MNAT1: variants seen among roughly 807,000 people sequenced by gnomAD.
MNAT1 encodes CDK-activating kinase assembly factor MAT1.
A neutral mutation model predicts 42.0 loss-of-function variants in MNAT1; 43 were observed. That is an observed-to-expected ratio of 1.02 (90% CI 0.80 to 1.32). The LOEUF is 1.32. Among genes scored for constraint, MNAT1 ranks in the 40% most tolerant of loss-of-function variants. The pLI is 0.00. For missense variants in MNAT1, 306 were observed against 350.4 expected (o/e 0.87, Z 1.01); for synonymous variants, 118 against 120.0 (o/e 0.98, Z 0.11).
At chr14:60,765,756 C>T (rs1462021529) in intron 1 of MNAT1, among the ~76,000 whole-genome samples, 2 of 152,002 alleles carry the variant, frequency 1.3e-5, no homozygotes, top group African/African-American at 4.8e-5. Flanking sequence ...AAATCTTATA[C>T]CTCTAGGCAA....
intron 6 of MNAT1, among the ~76,000 whole-genome samples, chr14:60,823,808 G>A (rs1300574262): frequency 9.2e-5 from 14 of 152,026 alleles, no homozygotes; most frequent in Admixed American, 9.2e-4. Flanking sequence ...GCAGTGAGCT[G>A]AGATTGTGCC....
chr14:60,792,417 T>TA (rs2031858547), intron 1 of MNAT1, among the ~76,000 whole-genome samples: 1 of 152,178 alleles, frequency 6.6e-6, no homozygotes, highest in Non-Finnish European at 1.5e-5. Flanking sequence ...GCTTCTTTCT[T>TA]ACAGAATTTA....
At chr14:60,808,289 A>G (rs1331682083) in intron 3 of MNAT1, 36 bp from the exon 4 acceptor site, 5 of 1,309,184 alleles carry the variant, frequency 3.8e-6, no homozygotes, top group Non-Finnish European at 1.1e-6. Context: ...TTATATTAAA[A>G]ATATTTTTCA....
At chr14:60,949,534 A>AT (rs1343513798) in intron 7 of MNAT1, among the ~76,000 whole-genome samples, 1 of 152,196 alleles carries the variant, frequency 6.6e-6, no homozygotes, top group African/African-American at 2.4e-5. Flanking sequence ...TTTATTTAAA[A>AT]TATTATACCA....
chr14:60,865,750 T>C (rs2034189453), intron 6 of MNAT1, among the ~76,000 whole-genome samples: 1 of 152,184 alleles, frequency 6.6e-6, no homozygotes, highest in Admixed American at 6.6e-5. Flanking sequence ...TCTTGTATTT[T>C]GCTTTTCCTT....
chr14:60,968,088 A>G (rs1246962483), intron 7 of MNAT1, 141 bp from the exon 8 acceptor site: 2 of 600,742 alleles, frequency 3.3e-6, no homozygotes, highest in South Asian at 2.3e-5. Context: ...AAAGATAATA[A>G]TCTATTTATA....
At chr14:60,933,179 C>T (rs940724552) in intron 7 of MNAT1, among the ~76,000 whole-genome samples, 8 of 151,910 alleles carry the variant, frequency 5.3e-5, no homozygotes, top group East Asian at 3.9e-4. Flanking sequence ...ATAGAAAGTC[C>T]GGTCCCTTAG....
intron 6 of MNAT1, among the ~76,000 whole-genome samples, chr14:60,872,835 T>TACACACACACACAC (rs200338598): frequency 6.8e-6 from 1 of 146,848 alleles, no homozygotes; most frequent in African/African-American, 2.6e-5. Flanking sequence ...CACACACACA[T>TACACACACACACAC]ACACACACAC....
At chr14:60,945,506 T>G (rs2036253791) in intron 7 of MNAT1, among the ~76,000 whole-genome samples, 1 of 152,206 alleles carries the variant, frequency 6.6e-6, no homozygotes, top group Non-Finnish European at 1.5e-5. Flanking sequence ...TCTTTGGTCA[T>G]TTTTCTCTGT....
At chr14:60,884,376 A>C (rs529790585) in intron 7 of MNAT1, among the ~76,000 whole-genome samples, 18 of 152,172 alleles carry the variant, frequency 1.2e-4, no homozygotes, top group African/African-American at 3.9e-4. Flanking sequence ...ATTGATTTGC[A>C]TATGTTGAAC....
intron 7 of MNAT1, among the ~76,000 whole-genome samples, chr14:60,941,047 A>G (rs1213316299): frequency 6.6e-6 from 1 of 152,238 alleles, no homozygotes; most frequent in African/African-American, 2.4e-5. Context: ...TGTGTTAAGT[A>G]TTGGTAATTT....
At chr14:60,831,458 G>A (rs571352027) in intron 6 of MNAT1, among the ~76,000 whole-genome samples, 1 of 152,138 alleles carries the variant, frequency 6.6e-6, no homozygotes, top group East Asian at 1.9e-4. Context: ...TTAGTTTGCT[G>A]AGAATGATGG....
chr14:60,940,342 A>C (rs561123182), intron 7 of MNAT1, among the ~76,000 whole-genome samples: 1 of 152,282 alleles, frequency 6.6e-6, no homozygotes, highest in African/African-American at 2.4e-5. Flanking sequence ...GGTCTTTACA[A>C]TTTGGCATGT....
chr14:60,851,918 A>C (rs548779629), intron 6 of MNAT1, among the ~76,000 whole-genome samples: 1 of 152,232 alleles, frequency 6.6e-6, no homozygotes, highest in South Asian at 2.1e-4. Flanking sequence ...TCCATGGTGT[A>C]TATGTGCCAC....
intron 6 of MNAT1, among the ~76,000 whole-genome samples, chr14:60,849,828 C>T (rs1351215862): frequency 6.6e-6 from 1 of 151,674 alleles, no homozygotes; most frequent in Non-Finnish European, 1.5e-5. Flanking sequence ...GTTGTGTATC[C>T]TTAGTTTCTT....
intron 7 of MNAT1, among the ~76,000 whole-genome samples, chr14:60,881,914 C>T (rs2034559710): frequency 6.6e-6 from 1 of 152,122 alleles, no homozygotes; most frequent in Admixed American, 6.5e-5. Context: ...AATCCCAGCT[C>T]TTTGGGAGGC....
chr14:60,967,523 CT>C (rs1249640531), intron 7 of MNAT1, among the ~76,000 whole-genome samples: 1 of 152,018 alleles, frequency 6.6e-6, no homozygotes, highest in Admixed American at 6.5e-5. Flanking sequence ...CCTGTTTTGT[CT>C]ATTTTTGTCA....
At chr14:60,854,564 G>A (rs1566795861) in intron 6 of MNAT1, among the ~76,000 whole-genome samples, 1 of 152,100 alleles carries the variant, frequency 6.6e-6, no homozygotes, top group South Asian at 2.1e-4. Context: ...CCCTTCTTCG[G>A]CAGGTCTGCT....
intron 1 of MNAT1, among the ~76,000 whole-genome samples, chr14:60,756,773 A>G (rs2030373264): frequency 6.6e-6 from 1 of 152,178 alleles, no homozygotes; most frequent in Non-Finnish European, 1.5e-5. Flanking sequence ...AATGTGTTTT[A>G]CAAAATAGAG....
Sources: allele counts gnomAD v4.1 joint callset (sites outside exome capture counted in the v4.1 genomes callset), GRCh38; gene constraint gnomAD v4.1.1; transcripts MANE v1.5; gene names NCBI Gene and HGNC (gene_info 2026-07-23, HGNC 2026-07-21).